The following ABL1 variants were observed in gnomAD, a reference collection of about 807,000 sequenced individuals.
ABL1 encodes ABL proto-oncogene 1, non-receptor tyrosine kinase.
ABL1 carries 11 observed loss-of-function variants against 94.7 expected under a neutral mutation model. The observed-to-expected ratio is 0.12, with a 90% CI of 0.07 to 0.19. The LOEUF (loss-of-function observed/expected upper bound fraction) is 0.19. Among genes scored for constraint, ABL1 ranks in the 10% least tolerant of loss-of-function variants. The probability of loss-of-function intolerance (pLI) is 1.00; values close to 1 mark genes in which losing one functional copy is unlikely to be tolerated. For missense variants in ABL1, 1,082 were observed against 1,489.4 expected (o/e 0.73, Z 4.50); for synonymous variants, 656 against 622.4 (o/e 1.05, Z -0.80).
At chr9:130,837,549 C>CAA (rs35018465) in intron 1 of ABL1, among the ~76,000 whole-genome samples, 2 of 137,980 alleles carry the variant, frequency 1.4e-5, no homozygotes, top group African/African-American at 5.2e-5. Flanking sequence ...TCTAAAGTCT[C>CAA]AAAAAAAAAA....
chr9:130,875,163 A>G (rs35222907), intron 7 of ABL1, 111 bp downstream of exon 7: 50,677 of 1,201,220 alleles, frequency 0.042, 1,226 homozygotes, highest in Non-Finnish European at 0.047. Flanking sequence ...TTTTTTTGAG[A>G]CGGAGTCTCA....
chr9:130,833,625 C>A (rs570781329), upstream of ABL1, among the ~76,000 whole-genome samples: 7 of 152,160 alleles, frequency 4.6e-5, no homozygotes, highest in Non-Finnish European at 1.0e-4. Context: ...TCTGGTACCA[C>A]GACTCTAGCA....
chr9:130,836,917 T>A (rs1830598762), intron 1 of ABL1, among the ~76,000 whole-genome samples: 1 of 152,108 alleles, frequency 6.6e-6, no homozygotes, highest in African/African-American at 2.4e-5. Flanking sequence ...TTTTTCTTTT[T>A]AAAAAAGCAG....
At chr9:130,744,393 G>A (rs1226729555) in intron 1 of ABL1, among the ~76,000 whole-genome samples, 2 of 150,866 alleles carry the variant, frequency 1.3e-5, no homozygotes, top group Admixed American at 6.6e-5. Context: ...CACCCGCCTC[G>A]GCCTCCCAAA....
At chr9:130,796,920 C>CAAAAAAAA (rs10607745) in intron 1 of ABL1, among the ~76,000 whole-genome samples, 731 of 60,708 alleles carry the variant, frequency 0.012, 18 homozygotes, top group African/African-American at 0.04. Flanking sequence ...AACTTCATCT[C>CAAAAAAAA]AAAAAAAAAA....
chr9:130,757,522 A>G (rs1454667560), intron 1 of ABL1, among the ~76,000 whole-genome samples: 6 of 144,610 alleles, frequency 4.1e-5, no homozygotes, highest in African/African-American at 1.5e-4. Flanking sequence ...AGGTTGAACC[A>G]CTGTACTCCA....
chr9:130,844,184 G>C (rs1196377065), intron 1 of ABL1, among the ~76,000 whole-genome samples: 2 of 152,192 alleles, frequency 1.3e-5, no homozygotes, highest in Non-Finnish European at 2.9e-5. Context: ...GACCTGGTCA[G>C]GTCTGCATTT....
At chr9:130,755,480 C>CT (rs1465184429) in intron 1 of ABL1, among the ~76,000 whole-genome samples, 1 of 152,132 alleles carries the variant, frequency 6.6e-6, no homozygotes, top group Non-Finnish European at 1.5e-5. Context: ...CCCCTCAGTG[C>CT]TTTCTGCATA....
rs774185202 is a variant in ABL1 at position 130,885,202 on chromosome 9, C to T, written c.2912C>T (p.Pro971Leu). Residue 971 changes from proline (P) to leucine (L), a missense_variant, in exon 11 of 11, where the codon CCG becomes CTG. Transcript: ENST00000318560. ...ACTCCAAAGCCACAGTCCGCCAAGCCGTCGGGGACCCCCATCAGCCCAGCC... is the reference window on the plus strand; with the variant it reads ...ACTCCAAAGCCACAGTCCGCCAAGCTGTCGGGGACCCCCATCAGCCCAGCC... Reference protein sequence around the residue: ...PATPKPQSAKPSGTPISPAPV... With the variant: ...PATPKPQSAKLSGTPISPAPV... The T allele has an allele frequency of 6.2e-6, 10 of 1,613,458 alleles. No individual in the cohort carries two copies. The highest frequency in any genetic ancestry group is 2.7e-5 in the African/African-American group (2 of 74,932).
chr9:130,715,407 A>G (rs1831424873), intron 1 of ABL1, among the ~76,000 whole-genome samples: 2 of 152,234 alleles, frequency 1.3e-5, no homozygotes, highest in South Asian at 4.1e-4. Flanking sequence ...TCATTCAGAA[A>G]TACCCCAACA....
chr9:130,798,436 CT>C (rs1830009286), intron 1 of ABL1, among the ~76,000 whole-genome samples: 1 of 152,148 alleles, frequency 6.6e-6, no homozygotes, highest in Non-Finnish European at 1.5e-5. Flanking sequence ...TAACATATTC[CT>C]ATGAAGTTAA....
chr9:130,797,284 G>A (rs915014136), intron 1 of ABL1, among the ~76,000 whole-genome samples: 31 of 139,412 alleles, frequency 2.2e-4, no homozygotes, highest in Admixed American at 1.9e-3. Flanking sequence ...AATAAACTTC[G>A]TTGTGTCATA....
chr9:130,872,287 G>T lies in ABL1; in HGVS notation c.907+74G>T, dbSNP rs11244169. 3 of 1,382,346 alleles carry T rather than the reference G, an allele frequency of 2.2e-6. No individual in the cohort carries two copies. The highest frequency in any genetic ancestry group is 2.4e-4 in the Middle Eastern group (1 of 4,124). The allele number at this position is 1,382,346 out of a possible 1,614,324, so 85.6% of individuals were successfully genotyped here. On this transcript the variant is annotated intron_variant, in intron 5 of 10. Transcript: ENST00000318560. The surrounding 1 kb of genome is among the most constrained non-coding windows in gnomAD (Gnocchi z 5.0). ...GGGTGACACAGGCGCTGGGGAAGAC[G>T]CACGGGCGGCTCACTGCACAAAACC...
chr9:130,860,117 A>G (rs1441338830), intron 3 of ABL1, among the ~76,000 whole-genome samples: 1 of 152,050 alleles, frequency 6.6e-6, no homozygotes, highest in African/African-American at 2.4e-5. Flanking sequence ...CATTCATGAC[A>G]CTACTTTCTT....
intron 1 of ABL1, among the ~76,000 whole-genome samples, chr9:130,718,446 A>T (rs370105019): frequency 6.6e-6 from 1 of 152,086 alleles, no homozygotes; most frequent in East Asian, 1.9e-4. Context: ...TAATAAAAAT[A>T]TTTGTTTTTA....
chr9:130,786,969 C>G (rs2132798228), intron 1 of ABL1, among the ~76,000 whole-genome samples: 1 of 152,232 alleles, frequency 6.6e-6, no homozygotes, highest in Middle Eastern at 3.4e-3. Flanking sequence ...TTTTGAAGCT[C>G]TTTTCTTAGG....
chr9:130,879,063 GATGGGGTTTCTCC>G (rs1220170934), intron 8 of ABL1, among the ~76,000 whole-genome samples: 2 of 152,016 alleles, frequency 1.3e-5, no homozygotes, highest in Non-Finnish European at 2.9e-5. Context: ...TTTTAGTAGA[GATGGGGTTTCTCC>G]ATGTTAGTCA....
chr9:130,732,924 G>A (rs1831685588), intron 1 of ABL1, among the ~76,000 whole-genome samples: 1 of 152,126 alleles, frequency 6.6e-6, no homozygotes, highest in Non-Finnish European at 1.5e-5. Flanking sequence ...TTAGCAAGGA[G>A]GGATGAAATT....
At chr9:130,772,179 T>G (rs999176192) in intron 1 of ABL1, among the ~76,000 whole-genome samples, 8 of 152,256 alleles carry the variant, frequency 5.3e-5, no homozygotes, top group Non-Finnish European at 1.0e-4. Flanking sequence ...TGGATACTTC[T>G]AAGCAGTTGT....
Sources: allele counts gnomAD v4.1 joint callset (sites outside exome capture counted in the v4.1 genomes callset), GRCh38; gene constraint gnomAD v4.1.1; non-coding constraint Gnocchi (gnomAD v3.1); transcripts MANE v1.5; gene names NCBI Gene and HGNC (gene_info 2026-07-23, HGNC 2026-07-21).